Variants in SETD7 observed in about 807,000 individuals in gnomAD.
SETD7 encodes histone-lysine N-methyltransferase SETD7.
SETD7 carries 16 observed loss-of-function variants against 41.8 expected under a neutral mutation model. The ratio of observed to expected loss-of-function variants is 0.38; its 90% CI spans 0.26 to 0.58. The LOEUF (loss-of-function observed/expected upper bound fraction) is 0.58, where lower values mean the gene tolerates loss of function less well. SETD7 is among the 20% of genes least tolerant of loss of function. SETD7 has a pLI of 0.64. For missense variants in SETD7, 346 were observed against 459.7 expected (o/e 0.75, Z 2.26); for synonymous variants, 163 against 169.7 (o/e 0.96, Z 0.31).
chr4:139,548,098 G>A (rs1351268101), intron 1 of SETD7: 1 of 152,172 alleles, frequency 6.6e-6, no homozygotes, highest in Non-Finnish European at 1.5e-5. Context: ...TTATTCTACT[G>A]GCTTTTTCTT....
chr4:139,514,156 C>T (rs1010336789), intron 7 of SETD7, among the ~76,000 whole-genome samples: 2 of 152,018 alleles, frequency 1.3e-5, no homozygotes, highest in East Asian at 1.9e-4. Context: ...TGGTGGTGTG[C>T]ACCTGTTGGT....
Position 139,555,932 on chromosome 4 carries a change from G to A in SETD7, c.40+166C>T, listed in dbSNP as rs908080943. On this transcript the variant is annotated intron_variant, in intron 1 of 7. Transcript: ENST00000274031. The surrounding 1 kb of genome is among the most constrained non-coding windows in gnomAD (Gnocchi z 4.0). Reference sequence around the variant, plus strand: ...CGCCGCGCAGTGCGCGCTCCCGGCGGCGTGACCGTGGCTGTCGGGCCCCCG... The same window carrying A: ...CGCCGCGCAGTGCGCGCTCCCGGCGACGTGACCGTGGCTGTCGGGCCCCCG... Among the ~76,000 whole-genome samples the A allele has an allele frequency of 6.6e-6, 1 of 151,946 alleles. No individual in the cohort carries two copies. Among genetic ancestry groups the A allele is most frequent in the African/African-American group, 2.4e-5 (1 of 41,416 alleles).
downstream of SETD7, among the ~76,000 whole-genome samples, chr4:139,505,331 G>A (rs923029862): frequency 9.8e-5 from 15 of 152,344 alleles, no homozygotes; most frequent in African/African-American, 3.1e-4. Context: ...ACTCATGCCT[G>A]TAATCCCAGC....
rs200323700 is a variant in SETD7, at chr4:139,520,293, C to T, written c.746G>A (p.Arg249Gln). The T allele has an allele frequency of 9.4e-6, 15 of 1,589,614 alleles. No homozygotes were observed. Among genetic ancestry groups the T allele is most frequent in the Non-Finnish European group, 1.3e-5 (15 of 1,165,616 alleles). ...CCCACTCACCTCTTGGTGTGTAATT[C>T]GAACTCCATTATAAAAAGACATAAC... ...NTVMSFYNGV[R>Q]ITHQEVDSRD... is the part of the protein sequence containing the mutation. Residue 249 changes from arginine (R) to glutamine (Q), a missense_variant, in exon 6 of 8, where the codon CGA (arginine) becomes CAA (glutamine). Arg to Gln is a conservative substitution (Grantham distance 43). Around this residue, in one of 3 missense-constraint regions of SETD7, gnomAD observed 266 missense variants for 377.0 expected, o/e 0.71. Coordinates refer to ENST00000274031, the MANE Select transcript of SETD7 (RefSeq NM_030648.4).
chr4:139,495,217 A>AAATT (rs1237748211), downstream of SETD7, among the ~76,000 whole-genome samples: 3 of 152,234 alleles, frequency 2.0e-5, no homozygotes, highest in Non-Finnish European at 4.4e-5. Flanking sequence ...GTCATTCAAT[A>AAATT]AATTACAGCT....
intron 2 of SETD7, among the ~76,000 whole-genome samples, chr4:139,537,664 C>A (rs1446948906): frequency 1.3e-5 from 2 of 152,138 alleles, no homozygotes; most frequent in African/African-American, 4.8e-5. Flanking sequence ...CCACGTATCC[C>A]CCCAACATAT....
At chr4:139,544,824 GTGTGTT>G (rs1013247812) in intron 2 of SETD7, among the ~76,000 whole-genome samples, 1 of 144,046 alleles carries the variant, frequency 6.9e-6, no homozygotes, top group African/African-American at 2.6e-5. Flanking sequence ...GTGTGTGTGT[GTGTGTT>G]TGTGTGTGGA....
At chr4:139,526,773 C>A (rs1039196918) in intron 4 of SETD7, among the ~76,000 whole-genome samples, 1 of 152,114 alleles carries the variant, frequency 6.6e-6, no homozygotes, top group African/African-American at 2.4e-5. Flanking sequence ...TAGGCACCTG[C>A]CACTAAAAAT....
chr4:139,530,150 T>C (rs1421458368), intron 3 of SETD7, among the ~76,000 whole-genome samples: 2 of 151,434 alleles, frequency 1.3e-5, no homozygotes, highest in Non-Finnish European at 2.9e-5. Flanking sequence ...GAGATGTTTC[T>C]TTCTTTCTTT....
chr4:139,501,732 C>G (rs996196357), downstream of SETD7, among the ~76,000 whole-genome samples: 1 of 152,184 alleles, frequency 6.6e-6, no homozygotes, highest in Non-Finnish European at 1.5e-5. Flanking sequence ...CCCGCAAAGC[C>G]TGTCATCTAA....
Position 139,509,362 on chromosome 4 carries a change from C to T in SETD7, c.*2301G>A, listed in dbSNP as rs1726802658. 6.6e-6 allele frequency: 1 copy of T among 152,128 alleles called. No individual in the cohort carries two copies. The highest frequency in any genetic ancestry group is 1.5e-5 in the Non-Finnish European group (1 of 68,036). 9.4% of individuals were successfully genotyped at this position (152,128 alleles called of 1,614,324 possible). ...AGCTCAGAGTGTTACCATTCAATAT[C>T]TCATCTGAAGAACTGATTAGCAGAC... On this transcript the variant is annotated 3_prime_UTR_variant, in exon 8 of 8. Transcript: ENST00000274031.
At chr4:139,553,049 C>T (rs1337389542) in intron 1 of SETD7, among the ~76,000 whole-genome samples, 1 of 152,162 alleles carries the variant, frequency 6.6e-6, no homozygotes, top group Non-Finnish European at 1.5e-5. Context: ...TCAGGTGGAG[C>T]TCTGAGGTCC....
chr4:139,523,448 C>G lies in SETD7; in HGVS notation c.563-13G>C, dbSNP rs1161572228. On this transcript the variant is annotated splice_polypyrimidine_tract_variant and intron_variant, in intron 4 of 7. Transcript: ENST00000274031. Reference sequence around the variant, plus strand: ...TGGTACACTGAATCTGAAAAGCAAACAAAAATACCAGTATAGGTGCAGAGT... The same window carrying G: ...TGGTACACTGAATCTGAAAAGCAAAGAAAAATACCAGTATAGGTGCAGAGT... 1 of 1,586,060 alleles carries G rather than the reference C, an allele frequency of 6.3e-7. No individual in the cohort carries two copies.
chr4:139,546,838 C>G, intron 2 of SETD7, 82 bp downstream of exon 2: 1 of 1,581,120 alleles, frequency 6.3e-7, no homozygotes, highest in East Asian at 2.2e-5. Context: ...AAAACTTCCA[C>G]TTGAATTCTT....
intron 2 of SETD7, among the ~76,000 whole-genome samples, chr4:139,541,484 A>AC (rs1727776878): frequency 1.3e-5 from 2 of 152,176 alleles, no homozygotes; most frequent in African/African-American, 4.8e-5. Flanking sequence ...ATCCACACCA[A>AC]CAAAGCCTCA....
chr4:139,546,885 AC>A (rs760477634), intron 2 of SETD7, 34 bp downstream of exon 2: 9 of 1,613,570 alleles, frequency 5.6e-6, no homozygotes, highest in Admixed American at 1.7e-5. Context: ...ATAATTCGGT[AC>A]CCCCAAAGAA....
Position 139,513,393 on chromosome 4 carries a change from CTGGA to C in SETD7, c.921-1554_921-1551del, listed in dbSNP as rs1726935028. 2.0e-5 allele frequency among the ~76,000 whole-genome samples: 3 copies of C among 147,334 alleles called. No individual in the cohort carries two copies. The South Asian group carries it at 6.4e-4, about 32-fold the overall frequency. The stretch of plus-strand genomic sequence containing the variant: ...TGAGATTGCTCCACTGCACTCCAGC[CTGGA>C]TGACAGAGTGAGACTTTGTCTCAAA... On this transcript the variant is annotated intron_variant, in intron 7 of 7. Coordinates refer to ENST00000274031, the MANE Select transcript of SETD7 (RefSeq NM_030648.4).
At chr4:139,554,875 T>G (rs1728210932) in intron 1 of SETD7, among the ~76,000 whole-genome samples, 1 of 152,194 alleles carries the variant, frequency 6.6e-6, no homozygotes. Flanking sequence ...ACAATAACCA[T>G]GTATCCTTAT....
intron 1 of SETD7, among the ~76,000 whole-genome samples, chr4:139,554,356 G>A (rs1409056712): frequency 6.6e-6 from 1 of 152,212 alleles, no homozygotes; most frequent in South Asian, 2.1e-4. Flanking sequence ...CTGGACATAT[G>A]TTTGTAAACA....
Sources: allele counts gnomAD v4.1 joint callset (sites outside exome capture counted in the v4.1 genomes callset), GRCh38; gene constraint gnomAD v4.1.1; regional missense constraint gnomAD v4.1.1; non-coding constraint Gnocchi (gnomAD v3.1); transcripts MANE v1.5; gene names NCBI Gene and HGNC (gene_info 2026-07-23, HGNC 2026-07-21).